CSMD1: variants seen among roughly 807,000 people sequenced by gnomAD.
CSMD1 encodes CUB and Sushi multiple domains 1.
CSMD1 carries 213 observed loss-of-function variants against 417.5 expected under a neutral mutation model. The observed-to-expected ratio is 0.51, with a 90% CI of 0.46 to 0.57. CSMD1 has a LOEUF of 0.57. Among genes scored for constraint, CSMD1 ranks in the 20% least tolerant of loss-of-function variants. The pLI is 0.00. For synonymous variants in CSMD1, 2,862 were observed against 1,736.8 expected, an observed-to-expected ratio of 1.65 and a Z score of -16.11; for missense variants, 6,923 against 4,529.7, an observed-to-expected ratio of 1.53 and a Z score of -15.17.
chr8:3,802,367 T>C (rs1453905140), intron 5 of CSMD1, among the ~76,000 whole-genome samples: 2 of 152,190 alleles, frequency 1.3e-5, no homozygotes, highest in African/African-American at 2.4e-5. Flanking sequence ...CATGTGCTTA[T>C]AGAGATATTT....
At chr8:4,939,892 C>G (rs1343978065) in intron 1 of CSMD1, among the ~76,000 whole-genome samples, 3 of 151,914 alleles carry the variant, frequency 2.0e-5, no homozygotes, top group African/African-American at 7.2e-5. Flanking sequence ...CTATTTCTAT[C>G]AGGTTGTGTA....
chr8:3,402,283 C>G (rs1046049289), intron 15 of CSMD1, among the ~76,000 whole-genome samples: 1 of 151,974 alleles, frequency 6.6e-6, no homozygotes, highest in African/African-American at 2.4e-5. Context: ...CTTTTCTATG[C>G]TACTTTACGC....
intron 12 of CSMD1, among the ~76,000 whole-genome samples, chr8:3,468,463 A>G (rs964920527): frequency 1.3e-5 from 2 of 152,006 alleles, no homozygotes. Flanking sequence ...GCTTACACCT[A>G]ATACTTCACC....
intron 3 of CSMD1, among the ~76,000 whole-genome samples, chr8:4,123,775 A>T (rs1284978750): frequency 6.6e-6 from 1 of 152,218 alleles, no homozygotes; most frequent in Non-Finnish European, 1.5e-5. Context: ...ACTGATGATG[A>T]AGTCAGAAGA....
intron 5 of CSMD1, among the ~76,000 whole-genome samples, chr8:3,982,196 T>TA (rs67468358): frequency 6.9e-6 from 1 of 144,532 alleles, no homozygotes; most frequent in African/African-American, 2.5e-5. Context: ...ATAATATTAA[T>TA]AAAAAAAATA....
chr8:4,489,098 G>C (rs1477612827), intron 2 of CSMD1, among the ~76,000 whole-genome samples: 2 of 152,112 alleles, frequency 1.3e-5, no homozygotes, highest in African/African-American at 4.8e-5. Flanking sequence ...TTTTAGTAGA[G>C]ACGGGGTTTC....
intron 15 of CSMD1, among the ~76,000 whole-genome samples, chr8:3,403,210 T>A (rs536508822): frequency 6.6e-6 from 1 of 152,322 alleles, no homozygotes; most frequent in South Asian, 2.1e-4. Context: ...AGAAAAACAA[T>A]AAATAAGAGT....
At position 4,552,982 on chromosome 8, in the gene CSMD1, T is replaced by C. The variant is rs147216668; in HGVS notation, c.302+84360A>G. Reference sequence around the variant, plus strand: ...TCTGCTCTCTTGTACCTTGCTTATGTATGCTGGCTGCTTGGTGACATTTCA... The same window carrying C: ...TCTGCTCTCTTGTACCTTGCTTATGCATGCTGGCTGCTTGGTGACATTTCA... On this transcript the variant is annotated intron_variant, in intron 2 of 69. Transcript: ENST00000635120. Among the ~76,000 whole-genome samples, 244 of 152,334 alleles carry C rather than the reference T, an allele frequency of 1.6e-3. 1 individual carries two copies. The highest frequency in any genetic ancestry group is 5.2e-3 in the African/African-American group (216 of 41,568).
chr8:4,461,458 A>C (rs993001609), intron 2 of CSMD1, among the ~76,000 whole-genome samples: 3 of 151,326 alleles, frequency 2.0e-5, no homozygotes, highest in Non-Finnish European at 4.4e-5. Context: ...AGAACATCTT[A>C]GATATCCATT....
chr8:4,237,826 T>A (rs1802158847), intron 3 of CSMD1, among the ~76,000 whole-genome samples: 1 of 152,192 alleles, frequency 6.6e-6, no homozygotes, highest in South Asian at 2.1e-4. Flanking sequence ...AAATAATTTT[T>A]AAAAAGGGAA....
At chr8:3,592,385 G>C (rs1254926975) in intron 8 of CSMD1, among the ~76,000 whole-genome samples, 1 of 152,066 alleles carries the variant, frequency 6.6e-6, no homozygotes, top group Non-Finnish European at 1.5e-5. Context: ...TGCATCTTCA[G>C]CAAAAAGAAA....
intron 5 of CSMD1, among the ~76,000 whole-genome samples, chr8:3,766,673 TAAA>T (rs545224725): frequency 6.7e-6 from 1 of 149,306 alleles, no homozygotes; most frequent in South Asian, 2.1e-4. Context: ...GAAAATAATT[TAAA>T]AAAAAAACAT....
intron 1 of CSMD1, among the ~76,000 whole-genome samples, chr8:4,814,321 C>G (rs946236660): frequency 5.9e-5 from 9 of 152,216 alleles, no homozygotes; most frequent in African/African-American, 2.2e-4. Context: ...ACTCAGTTCA[C>G]TGCAACCTCT....
intron 3 of CSMD1, among the ~76,000 whole-genome samples, chr8:4,349,854 T>C (rs1800987955): frequency 6.6e-6 from 1 of 151,646 alleles, no homozygotes; most frequent in South Asian, 2.1e-4. Context: ...GGTTACTTTT[T>C]AACTATGTAA....
intron 5 of CSMD1, among the ~76,000 whole-genome samples, chr8:3,966,564 C>A (rs1812689280): frequency 6.6e-6 from 1 of 152,022 alleles, no homozygotes; most frequent in Non-Finnish European, 1.5e-5. Flanking sequence ...TTGCCAATTT[C>A]TTTTCTGTAA....
In CSMD1 at chr8:4,390,912, G is replaced by C. The variant is rs559428657; in HGVS notation, c.415+29041C>G. On this transcript the variant is annotated intron_variant, in intron 3 of 69. Coordinates refer to ENST00000635120, the MANE Select transcript of CSMD1 (RefSeq NM_033225.6). ...CCTTAGTCCCCCAAAATGTAGAAAG[G>C]TAGTTATCAGTAGAAAACCACTGCT... Among the ~76,000 whole-genome samples, 7 of 152,270 alleles carry C rather than the reference G, an allele frequency of 4.6e-5. No individual in the cohort carries two copies. In the South Asian group the frequency reaches 8.3e-4, roughly 18 times the overall value.
chr8:3,855,756 C>T (rs914240838), intron 5 of CSMD1, among the ~76,000 whole-genome samples: 1 of 152,130 alleles, frequency 6.6e-6, no homozygotes, highest in Non-Finnish European at 1.5e-5. Context: ...ATGTGAAATC[C>T]TAGAGTCTGC....
chr8:3,954,848 G>T (rs371084569), intron 5 of CSMD1, among the ~76,000 whole-genome samples: 1 of 152,208 alleles, frequency 6.6e-6, no homozygotes, highest in South Asian at 2.1e-4. Context: ...GGAGTTACAT[G>T]CATGTGCATT....
chr8:3,335,745 G>A (rs1389440055), intron 23 of CSMD1, among the ~76,000 whole-genome samples: 2 of 152,146 alleles, frequency 1.3e-5, no homozygotes, highest in Admixed American at 6.6e-5. Flanking sequence ...TCACCTAAGA[G>A]TAGAGCAGAC....
Sources: allele counts gnomAD v4.1 joint callset (sites outside exome capture counted in the v4.1 genomes callset), GRCh38; gene constraint gnomAD v4.1.1; transcripts MANE v1.5; gene names NCBI Gene and HGNC (gene_info 2026-07-23, HGNC 2026-07-21).